The following NKIRAS1 variants were observed in gnomAD, a reference collection of about 807,000 sequenced individuals.
NKIRAS1 encodes NF-kappa-B inhibitor-interacting Ras-like protein 1.
In NKIRAS1, 16 loss-of-function variants were observed where a neutral mutation model predicts 19.8. That is an observed-to-expected ratio of 0.81 (90% CI 0.55 to 1.23). The LOEUF (loss-of-function observed/expected upper bound fraction) is 1.23. NKIRAS1 is among the 50% of genes most tolerant of loss of function. NKIRAS1 has a pLI of 0.00. For synonymous variants in NKIRAS1, 88 were observed against 79.0 expected (o/e 1.11, Z -0.61); for missense variants, 184 against 220.0 (o/e 0.84, Z 1.04).
At chr3:23,919,142 T>A, upstream of NKIRAS1, 1 of 1,234,360 alleles carries the variant, frequency 8.1e-7, no homozygotes, top group Non-Finnish European at 1.2e-6. Flanking sequence ...TCTTTCTGAC[T>A]TGCTGCTATA....
At chr3:23,945,531 C>T (rs1388660710) in intron 1 of NKIRAS1, 2 of 1,119,792 alleles carry the variant, frequency 1.8e-6, no homozygotes, top group Non-Finnish European at 2.2e-6. Flanking sequence ...GGCGGCGCTG[C>T]CCCCTCTGCG....
At chr3:23,940,184 A>G (rs1177977360) in intron 1 of NKIRAS1, among the ~76,000 whole-genome samples, 2 of 150,386 alleles carry the variant, frequency 1.3e-5, no homozygotes, top group Non-Finnish European at 3.0e-5. Context: ...AAAAAAAAAA[A>G]AAAAAAAGAG....
At chr3:23,921,223 C>A (rs1402959545), upstream of NKIRAS1, among the ~76,000 whole-genome samples, 1 of 152,172 alleles carries the variant, frequency 6.6e-6, no homozygotes, top group Non-Finnish European at 1.5e-5. Flanking sequence ...AAACCTTGTT[C>A]CTGTCCTTGC....
At chr3:23,915,474 A>T (rs550157941) in intron 1 of NKIRAS1, among the ~76,000 whole-genome samples, 1 of 152,374 alleles carries the variant, frequency 6.6e-6, no homozygotes, top group Non-Finnish European at 1.5e-5. Flanking sequence ...GAAATTTGTT[A>T]CAGGAGCAAT....
chr3:23,934,179 T>C (rs1283436872), intron 1 of NKIRAS1, among the ~76,000 whole-genome samples: 2 of 152,208 alleles, frequency 1.3e-5, no homozygotes, highest in East Asian at 1.9e-4. Flanking sequence ...GGTTTGTCTG[T>C]ATGTGTTTAT....
chr3:23,920,919 C>T (rs1267138629), upstream of NKIRAS1: 3 of 228,766 alleles, frequency 1.3e-5, no homozygotes, highest in Non-Finnish European at 2.2e-5. Context: ...CCCTAACCAG[C>T]AAAAAGGCAT....
At chr3:23,917,215 A>C (rs531388287), upstream of NKIRAS1, 2 of 152,752 alleles carry the variant, frequency 1.3e-5, no homozygotes, top group Admixed American at 1.3e-4. Flanking sequence ...TCCGCCTTTG[A>C]TCGTCTTCCT....
At chr3:23,908,104 C>G (rs1029240045) in intron 3 of NKIRAS1, among the ~76,000 whole-genome samples, 5 of 152,118 alleles carry the variant, frequency 3.3e-5, no homozygotes, top group African/African-American at 1.2e-4. Context: ...ATTCCCAATA[C>G]TGATGAAATT....
At chr3:23,895,885 C>CA (rs1701932123) in intron 4 of NKIRAS1, among the ~76,000 whole-genome samples, 1 of 152,020 alleles carries the variant, frequency 6.6e-6, no homozygotes, top group African/African-American at 2.4e-5. Flanking sequence ...CCTGTAATCC[C>CA]GTACTTTGGG....
upstream of NKIRAS1, chr3:23,917,988 C>G (rs752350791): frequency 6.2e-7 from 1 of 1,612,208 alleles, no homozygotes; most frequent in Non-Finnish European, 8.5e-7. Flanking sequence ...CCCGCCCCAC[C>G]CGGCCTGATA....
At chr3:23,909,687 A>G (rs956566281) in intron 3 of NKIRAS1, among the ~76,000 whole-genome samples, 2 of 152,186 alleles carry the variant, frequency 1.3e-5, no homozygotes, top group African/African-American at 4.8e-5. Context: ...TCTGTAACCC[A>G]AGGCCTGATT....
upstream of NKIRAS1, chr3:23,921,644 G>A (rs778320230): frequency 9.2e-6 from 6 of 649,850 alleles, no homozygotes; most frequent in South Asian, 3.1e-5. Context: ...GGGCAATCAC[G>A]GCTCACTGCA....
chr3:23,900,284 G>A (rs112732163), intron 4 of NKIRAS1, among the ~76,000 whole-genome samples: 108 of 152,306 alleles, frequency 7.1e-4, no homozygotes, highest in African/African-American at 1.4e-3. Context: ...GCAAAAGGCA[G>A]AAAGTCAAAT....
chr3:23,920,526 A>G (rs1705018907), upstream of NKIRAS1: 7 of 985,222 alleles, frequency 7.1e-6, no homozygotes, highest in African/African-American at 1.7e-5. Context: ...TTCTGTTTGC[A>G]CCATGTCTTC....
In NKIRAS1 at chr3:23,890,466, T is replaced by G. The variant is rs893746678; in HGVS notation, c.*2629A>C. On this transcript the variant is annotated 3_prime_UTR_variant, in exon 5 of 5. Transcript: ENST00000425478. ...TCACTATTCGCTAAAGTTTAAAATG[T>G]TCTTTTCCTTTCTCCAAAGTAATCT... 6.3e-7 allele frequency: 1 copy of G among 1,588,482 alleles called. No individual in the cohort carries two copies. Among genetic ancestry groups the G allele is most frequent in the Non-Finnish European group, 8.6e-7 (1 of 1,166,014 alleles).
intron 4 of NKIRAS1, among the ~76,000 whole-genome samples, chr3:23,895,642 T>C (rs1455066334): frequency 6.6e-6 from 1 of 152,132 alleles, no homozygotes; most frequent in African/African-American, 2.4e-5. Flanking sequence ...GAGAAAAACA[T>C]ACAACCCTGC....
At chr3:23,937,264 G>T (rs6763229) in intron 1 of NKIRAS1, among the ~76,000 whole-genome samples, 1 of 151,944 alleles carries the variant, frequency 6.6e-6, no homozygotes, top group South Asian at 2.1e-4. Flanking sequence ...CCAGCTACTC[G>T]GTAGGCTGAG....
rs1348406281 is a variant in NKIRAS1, at chr3:23,916,733, C to G, written c.-140+51G>C. ...AGAGGGACAGCGCAGCGCGGAGACGCGGAGACGCAGAGACTCCGCAGGGGG... is the reference window on the plus strand; with the variant it reads ...AGAGGGACAGCGCAGCGCGGAGACGGGGAGACGCAGAGACTCCGCAGGGGG... On this transcript the variant is annotated intron_variant, in intron 1 of 4. Coordinates refer to ENST00000425478, the MANE Select transcript of NKIRAS1 (RefSeq NM_020345.4). 7 of 152,674 alleles carry G rather than the reference C, an allele frequency of 4.6e-5. No homozygotes were observed. The East Asian group carries it at 1.3e-3, about 29-fold the overall frequency. The allele number at this position is 152,674 out of a possible 1,614,324, so 9.5% of individuals were successfully genotyped here.
At chr3:23,938,900 G>A (rs903334550) in intron 1 of NKIRAS1, among the ~76,000 whole-genome samples, 2 of 152,198 alleles carry the variant, frequency 1.3e-5, no homozygotes, top group African/African-American at 4.8e-5. Flanking sequence ...TAGCCCACAT[G>A]TAGAGATCTT....
Sources: gnomAD v4.1 joint callset for allele counts (sites outside exome capture counted in the v4.1 genomes callset) on GRCh38, gnomAD v4.1.1 for gene constraint, MANE v1.5 for transcripts, NCBI Gene and HGNC (gene_info 2026-07-23, HGNC 2026-07-21) for gene names.